Variants in MINAR1 observed in about 807,000 individuals in gnomAD.
The protein encoded by MINAR1 is membrane integral NOTCH2 associated receptor 1.
Under a neutral mutation model 65.1 loss-of-function variants are expected in MINAR1, and 40 were observed. The observed-to-expected ratio is 0.61, with a 90% CI of 0.48 to 0.80. The LOEUF is 0.80. Among genes scored for constraint, MINAR1 ranks in the 30% least tolerant of loss-of-function variants. The probability of loss-of-function intolerance (pLI) is 0.00; values close to 1 mark genes in which losing one functional copy is unlikely to be tolerated. For missense variants in MINAR1, 1,128 were observed against 1,148.0 expected, an observed-to-expected ratio of 0.98 and a Z score of 0.25; for synonymous variants, 482 against 449.1, an observed-to-expected ratio of 1.07 and a Z score of -0.93.
upstream of MINAR1, among the ~76,000 whole-genome samples, chr15:79,427,584 G>A (rs925984010): frequency 4.6e-5 from 7 of 152,104 alleles, no homozygotes; most frequent in African/African-American, 1.7e-4. Context: ...ACCTATTGTT[G>A]TAGCTAAAGT....
chr15:79,457,403 A>T lies in MINAR1; in HGVS notation c.1256A>T (p.Asp419Val), dbSNP rs1895471568. 6.2e-7 allele frequency: 1 copy of T among 1,614,218 alleles called. No individual in the cohort carries two copies. The highest frequency in any genetic ancestry group is 1.7e-5 in the Admixed American group (1 of 60,030). Residue 419 changes from aspartate to valine, a missense_variant, in exon 2 of 4, where the codon GAT becomes GTT. Asp to Val is a radical substitution (Grantham distance 152). Coordinates refer to ENST00000305428, the MANE Select transcript of MINAR1 (RefSeq NM_015206.3). ...ERRPTYLVPK[D>V]QQPILPIAYA... Reference sequence around the variant, plus strand: ...CGCCCAACTTACCTTGTGCCAAAGGATCAACAGCCAATTCTCCCCATTGCT... The same window carrying T: ...CGCCCAACTTACCTTGTGCCAAAGGTTCAACAGCCAATTCTCCCCATTGCT...
the MINAR1 span, chr15:79,419,963 G>A: frequency 6.6e-6 from 1 of 152,134 alleles, no homozygotes; most frequent in Non-Finnish European, 1.5e-5. Context: ...AGAAAAGATT[G>A]AACAGGCCTA....
At chr15:79,428,258 C>CTCCTTCCCTCCTTCCTTTCTTCTT (rs1894359215), upstream of MINAR1, among the ~76,000 whole-genome samples, 1 of 97,286 alleles carries the variant, frequency 1.0e-5, no homozygotes, top group Admixed American at 1.1e-4. Context: ...CCCTCCTTCC[C>CTCCTTCCCTCCTTCCTTTCTTCTT]TCCTTCCTTT....
At chr15:79,444,411 G>A (rs2141282527) in intron 1 of MINAR1, among the ~76,000 whole-genome samples, 1 of 152,032 alleles carries the variant, frequency 6.6e-6, no homozygotes, top group East Asian at 1.9e-4. Context: ...TGATGGTAAT[G>A]TTTATTTGTT....
intron 1 of MINAR1, among the ~76,000 whole-genome samples, chr15:79,443,734 C>T (rs1894935721): frequency 6.6e-6 from 1 of 152,170 alleles, no homozygotes; most frequent in African/African-American, 2.4e-5. Context: ...TATTCCCCCA[C>T]ATTATTTTAC....
upstream of MINAR1, among the ~76,000 whole-genome samples, chr15:79,428,560 G>A (rs142817790): frequency 1.7e-3 from 233 of 137,718 alleles, 3 homozygotes; most frequent in Non-Finnish European, 3.3e-4. Flanking sequence ...CTTTCAGCCT[G>A]CCATTTTCAG....
chr15:79,454,581 G>T (rs988237317), intron 1 of MINAR1, among the ~76,000 whole-genome samples: 1 of 152,154 alleles, frequency 6.6e-6, no homozygotes, highest in Non-Finnish European at 1.5e-5. Context: ...CTTCTCTAAT[G>T]AAGTTTTGTT....
intron 1 of MINAR1, among the ~76,000 whole-genome samples, chr15:79,450,186 C>T (rs932095326): frequency 4.6e-5 from 7 of 152,152 alleles, no homozygotes; most frequent in African/African-American, 1.4e-4. Flanking sequence ...ACTCTCTGGA[C>T]CCCAGTTTTC....
chr15:79,436,439 G>A (rs182180682), intron 1 of MINAR1, among the ~76,000 whole-genome samples: 4 of 152,318 alleles, frequency 2.6e-5, no homozygotes, highest in East Asian at 1.9e-4. Context: ...CATGAAAACC[G>A]AAAGTCTGAT....
chr15:79,446,535 G>A (rs1895025056), intron 1 of MINAR1, among the ~76,000 whole-genome samples: 1 of 151,270 alleles, frequency 6.6e-6, no homozygotes, highest in Admixed American at 6.6e-5. Context: ...CTATTTTTTA[G>A]TCTATAATTG....
At position 79,472,293 on chromosome 15, in the gene MINAR1, A is replaced by G. The variant is rs1225441986; in HGVS notation, c.*3909A>G. ...CAAATATAATCAGAAATAAACCGAA[A>G]AAAATATAAAATGTCTTGCAGTGAG... is the stretch of plus-strand genomic sequence containing the variant. On this transcript the variant is annotated 3_prime_UTR_variant, in exon 4 of 4. Coordinates refer to ENST00000305428, the MANE Select transcript of MINAR1 (RefSeq NM_015206.3). 3.9e-5 allele frequency: 6 copies of G among 152,672 alleles called. No individual in the cohort carries two copies. In the East Asian group the frequency reaches 9.6e-4, roughly 24 times the overall value. 9.5% of individuals were successfully genotyped at this position (152,672 alleles called of 1,614,324 possible). A position where few individuals can be genotyped will look rare whatever the true frequency, so the allele number is the denominator to read the frequency against.
chr15:79,458,071 G>A lies in MINAR1; in HGVS notation c.1924G>A (p.Val642Met), dbSNP rs747135525. The A allele has an allele frequency of 8.7e-6, 14 of 1,614,166 alleles. No homozygotes were observed. The highest frequency in any genetic ancestry group is 1.1e-5 in the Non-Finnish European group (13 of 1,180,038). Residue 642 changes from valine (V) to methionine (M), a missense_variant, in exon 2 of 4, where the codon GTG becomes ATG. Physicochemically the swap from Val to Met is conservative, Grantham distance 21. Coordinates refer to ENST00000305428, the MANE Select transcript of MINAR1 (RefSeq NM_015206.3). ...QKMQQPEKVSVQIDLNSLTSE... is the reference protein window; with the variant it reads ...QKMQQPEKVSMQIDLNSLTSE... The stretch of plus-strand genomic sequence containing the variant: ...AATGCAACAGCCTGAGAAGGTGAGT[G>A]TGCAGATAGATCTGAACTCCTTGAC...
At chr15:79,437,693 G>T (rs1215949481) in intron 1 of MINAR1, among the ~76,000 whole-genome samples, 1 of 86,160 alleles carries the variant, frequency 1.2e-5, no homozygotes, top group African/African-American at 3.9e-5. Context: ...CGTGGGTAGT[G>T]AGTGTGTGGG....
rs1382426795 is a variant in MINAR1, at chr15:79,446,319, G to A, written c.-50-9779G>A. Among the ~76,000 whole-genome samples the A allele has an allele frequency of 2.0e-5, 3 of 152,040 alleles. No individual in the cohort carries two copies. The East Asian group carries it at 5.8e-4, about 29-fold the overall frequency. On this transcript the variant is annotated intron_variant, in intron 1 of 3. Transcript: ENST00000305428. Reference sequence around the variant, plus strand: ...TAACAGTTTTATAGAGTTGATACATGATTAGAATTAACTATATATTTATCA... The same window carrying A: ...TAACAGTTTTATAGAGTTGATACATAATTAGAATTAACTATATATTTATCA...
rs912066095 is a variant in MINAR1, at chr15:79,469,804, T to C, written c.*1420T>C. 1.3e-5 allele frequency: 2 copies of C among 152,554 alleles called. No homozygotes were observed. The highest frequency in any genetic ancestry group is 2.9e-5 in the Non-Finnish European group (2 of 68,034). 9.5% of individuals were successfully genotyped at this position (152,554 alleles called of 1,614,324 possible). A position where few individuals can be genotyped will look rare whatever the true frequency, so the allele number is the denominator to read the frequency against. ...CAGAAACTAGCTACCTTATATATAT[T>C]TTTTGATAATAAGGTGGGATATAAA... is the stretch of plus-strand genomic sequence containing the variant. On this transcript the variant is annotated 3_prime_UTR_variant, in exon 4 of 4. Coordinates refer to ENST00000305428, the MANE Select transcript of MINAR1 (RefSeq NM_015206.3).
the MINAR1 span, chr15:79,418,598 G>A: frequency 6.6e-6 from 1 of 152,390 alleles, no homozygotes; most frequent in African/African-American, 2.4e-5. Context: ...CCCTAAGATA[G>A]CAGAGGGAAG....
chr15:79,442,279 T>TGG (rs1894891828), intron 1 of MINAR1, among the ~76,000 whole-genome samples: 1 of 152,224 alleles, frequency 6.6e-6, no homozygotes, highest in South Asian at 2.1e-4. Context: ...TACCAGTTGA[T>TGG]TAACCAATTA....
rs1157701272 is a variant in MINAR1 at position 79,469,359 on chromosome 15, A to G, written c.*975A>G. ...CTGTAAACCATGGTTTTCACGCACC[A>G]CTAATATCTGCCATTTTCAATGGCT... On this transcript the variant is annotated 3_prime_UTR_variant, in exon 4 of 4. Coordinates refer to ENST00000305428, the MANE Select transcript of MINAR1 (RefSeq NM_015206.3). 2 of 152,596 alleles carry G rather than the reference A, an allele frequency of 1.3e-5. No homozygotes were observed. Among genetic ancestry groups the G allele is most frequent in the Admixed American group, 6.5e-5 (1 of 15,272 alleles). 9.5% of individuals were successfully genotyped at this position (152,596 alleles called of 1,614,324 possible).
At chr15:79,451,502 G>A (rs551701612) in intron 1 of MINAR1, among the ~76,000 whole-genome samples, 67 of 152,182 alleles carry the variant, frequency 4.4e-4, no homozygotes, top group African/African-American at 1.6e-3. Context: ...AGACGGGTCT[G>A]CGGGAGACAC....
Sources: gnomAD v4.1 joint callset for allele counts (sites outside exome capture counted in the v4.1 genomes callset) on GRCh38, gnomAD v4.1.1 for gene constraint, MANE v1.5 for transcripts, NCBI Gene and HGNC (gene_info 2026-07-23, HGNC 2026-07-21) for gene names.